NAT10: variants seen among roughly 807,000 people sequenced by gnomAD.
The protein encoded by NAT10 is N-acetyltransferase 10, also known as RNA cytidine acetyltransferase.
NAT10 carries 109 observed loss-of-function variants against 132.2 expected under a neutral mutation model. The ratio of observed to expected loss-of-function variants is 0.82; its 90% confidence interval spans 0.71 to 0.97. NAT10 has a LOEUF of 0.97. Among genes scored for constraint, NAT10 ranks in the 50% least tolerant of loss-of-function variants. The probability of loss-of-function intolerance (pLI) is 0.00; values close to 1 mark genes in which losing one functional copy is unlikely to be tolerated. For synonymous variants in NAT10, 479 were observed against 478.0 expected, an observed-to-expected ratio of 1.00 and a Z score of -0.03; for missense variants, 1,184 against 1,263.4, an observed-to-expected ratio of 0.94 and a Z score of 0.95.
rs777397042 is a variant in NAT10, at chr11:34,108,248, A to G, written c.23A>G (p.Asn8Ser). The change falls in exon 2 of 29, where the codon AAC becomes AGC. Residue 8 changes from asparagine to serine, a missense_variant. Asn to Ser is a conservative substitution (Grantham distance 46, BLOSUM62 1). Coordinates refer to ENST00000257829, the MANE Select transcript of NAT10 (RefSeq NM_024662.3). ...ACCATGCATCGGAAAAAGGTGGATA[A>G]CCGAATCCGGATTCTCATTGAGAAT... Reference protein sequence around the residue: MHRKKVDNRIRILIENGV... With the variant: MHRKKVDSRIRILIENGV... 1 of 1,614,152 alleles carries G rather than the reference A, an allele frequency of 6.2e-7. No homozygotes were observed. Among genetic ancestry groups the G allele is most frequent in the South Asian group, 1.1e-5 (1 of 91,070 alleles).
At position 34,119,079 on chromosome 11, in the gene NAT10, G is replaced by A. The variant is rs537907886; in HGVS notation, c.780+576G>A. ...TAGTCTGGTATTTACCCTGGTTCCA[G>A]TGCGAGGCCTGATGAGGGCCCTCTG... On this transcript the variant is annotated intron_variant, in intron 8 of 28. Coordinates refer to ENST00000257829, the MANE Select transcript of NAT10 (RefSeq NM_024662.3). Among the ~76,000 whole-genome samples the A allele has an allele frequency of 1.2e-3, 184 of 152,386 alleles. 1 individual carries two copies. The highest frequency in any genetic ancestry group is 4.3e-3 in the African/African-American group (177 of 41,598).
chr11:34,131,963 T>G (rs899189596), intron 14 of NAT10, among the ~76,000 whole-genome samples, 162 bp from the exon 15 acceptor site: 2 of 152,128 alleles, frequency 1.3e-5, no homozygotes, highest in Non-Finnish European at 2.9e-5. Context: ...GGATTACCGG[T>G]GTGAGCCAAC....
At chr11:34,112,309 C>A in intron 4 of NAT10, 86 bp downstream of exon 4, 1 of 1,501,044 alleles carries the variant, frequency 6.7e-7, no homozygotes, top group Non-Finnish European at 9.2e-7. Flanking sequence ...AACAGATGTA[C>A]AGTAAGGAGA....
rs571443653 is a variant in NAT10 at position 34,142,200 on chromosome 11, C to T, written c.2812-75C>T. The T allele has an allele frequency of 7.8e-5, 109 of 1,397,826 alleles. No homozygotes were observed. The African/African-American group carries it at 1.4e-3, about 18-fold the overall frequency. The allele number at this position is 1,397,826 out of a possible 1,614,324, so 86.6% of individuals were successfully genotyped here. ...TTTTCTCATCATTGTGCCATTCCACCCCAGCTTCACCTTTTCCTGTGTTTG... is the reference window on the plus strand; with the variant it reads ...TTTTCTCATCATTGTGCCATTCCACTCCAGCTTCACCTTTTCCTGTGTTTG... On this transcript the variant is annotated intron_variant, in intron 26 of 28. Transcript: ENST00000257829.
intron 11 of NAT10, 102 bp from the exon 12 acceptor site, chr11:34,127,361 G>A: frequency 7.9e-7 from 1 of 1,268,650 alleles, no homozygotes; most frequent in South Asian, 1.5e-5. Flanking sequence ...GAAGGAAACA[G>A]GGAGAGAGAG....
At chr11:34,140,934 C>A (rs940194273) in intron 24 of NAT10, among the ~76,000 whole-genome samples, 155 bp from the exon 25 acceptor site, 5 of 151,822 alleles carry the variant, frequency 3.3e-5, no homozygotes, top group Non-Finnish European at 7.4e-5. Context: ...TTGGTGGTCT[C>A]AGTAACAGGA....
At chr11:34,137,740 C>T (rs183609897) in intron 21 of NAT10, among the ~76,000 whole-genome samples, 16 of 152,250 alleles carry the variant, frequency 1.1e-4, no homozygotes, top group African/African-American at 3.1e-4. Flanking sequence ...TGGACCCTAA[C>T]GTTTAGAGGA....
intron 5 of NAT10, among the ~76,000 whole-genome samples, chr11:34,115,099 T>C (rs1851761523): frequency 1.3e-5 from 2 of 152,176 alleles, no homozygotes; most frequent in Admixed American, 1.3e-4. Flanking sequence ...GAGGTTGCGG[T>C]GAGCTGAGGT....
intron 21 of NAT10, among the ~76,000 whole-genome samples, chr11:34,137,971 A>AG (rs1414405422): frequency 2.6e-5 from 4 of 152,182 alleles, no homozygotes; most frequent in African/African-American, 9.7e-5. Flanking sequence ...GCCTGGCCAG[A>AG]GGGAAGAGGA....
In NAT10 at chr11:34,134,335, A is replaced by G; in HGVS notation, c.1751A>G (p.Glu584Gly). 5 of 1,614,130 alleles carry G rather than the reference A, an allele frequency of 3.1e-6. No individual in the cohort carries two copies. Among genetic ancestry groups the G allele is most frequent in the Non-Finnish European group, 4.2e-6 (5 of 1,180,016 alleles). Residue 584 changes from glutamate to glycine, a missense_variant, in exon 17 of 29, where the codon GAG becomes GGG. Transcript: ENST00000257829. ...CCCCCACAGGTGTGCCTTGAAGGGG[A>G]GATTTCTCGCCAGTCCATCTTGAAC... Reference protein sequence around the residue: ...LAVIQVCLEGEISRQSILNSL... With the variant: ...LAVIQVCLEGGISRQSILNSL...
At chr11:34,120,062 C>G (rs1289789281) in intron 8 of NAT10, among the ~76,000 whole-genome samples, 1 of 149,992 alleles carries the variant, frequency 6.7e-6, no homozygotes, top group Non-Finnish European at 1.5e-5. Flanking sequence ...TGTGTTGCTG[C>G]TTTAATTAGG....
At chr11:34,114,458 G>C (rs1851750377) in intron 5 of NAT10, among the ~76,000 whole-genome samples, 1 of 152,160 alleles carries the variant, frequency 6.6e-6, no homozygotes, top group African/African-American at 2.4e-5. Context: ...GGTCGGATTG[G>C]ACTTAGGGTT....
Position 34,135,296 on chromosome 11 carries a change from GCAT to G in NAT10, c.2028+7_2028+9del. The G allele has an allele frequency of 3.7e-6, 6 of 1,612,324 alleles. No homozygotes were observed. Among genetic ancestry groups the G allele is most frequent in the Non-Finnish European group, 5.1e-6 (6 of 1,178,382 alleles). On this transcript the variant is annotated splice_donor_region_variant and intron_variant, in intron 19 of 28. Coordinates refer to ENST00000257829, the MANE Select transcript of NAT10 (RefSeq NM_024662.3). ...ATTCACACCGTAAGCAGCGAGGTAA[GCAT>G]CTTTCGACAGACCTCCTGTGTCCTG... is the stretch of plus-strand genomic sequence containing the variant.
At chr11:34,142,829 T>G (rs1852364258) in intron 27 of NAT10, among the ~76,000 whole-genome samples, 1 of 152,210 alleles carries the variant, frequency 6.6e-6, no homozygotes, top group African/African-American at 2.4e-5. Flanking sequence ...TGGATTGATG[T>G]GAATAATAAC....
chr11:34,146,868 G>C lies in NAT10; in HGVS notation c.*676G>C, dbSNP rs1174565695. 1 of 152,248 alleles carries C rather than the reference G, an allele frequency of 6.6e-6. No individual in the cohort carries two copies. The highest frequency in any genetic ancestry group is 1.9e-4 in the East Asian group (1 of 5,206). 9.4% of individuals were successfully genotyped at this position (152,248 alleles called of 1,614,324 possible). A position where few individuals can be genotyped will look rare whatever the true frequency, so the allele number is the denominator to read the frequency against. On this transcript the variant is annotated 3_prime_UTR_variant, in exon 29 of 29. Coordinates refer to ENST00000257829, the MANE Select transcript of NAT10 (RefSeq NM_024662.3). Reference sequence around the variant, plus strand: ...ACTTTGCTCGCAGGGGTGAGGGGAAGGATAGAGAATCTATTTTTAATAAAT... The same window carrying C: ...ACTTTGCTCGCAGGGGTGAGGGGAACGATAGAGAATCTATTTTTAATAAAT...
intron 23 of NAT10, among the ~76,000 whole-genome samples, chr11:34,140,011 C>T (rs1011586132): frequency 2.0e-5 from 3 of 152,010 alleles, no homozygotes; most frequent in African/African-American, 7.3e-5. Context: ...TACTTTTTTG[C>T]CAATTATATT....
In NAT10 at chr11:34,108,652, A is replaced by G. The variant is rs558206422; in HGVS notation, c.109-90A>G. Reference sequence around the variant, plus strand: ...ACTTCCCTTCCCTGGCCCTCAGTTTAGTTTCCACATCCGTCAAATGAGGTC... The same window carrying G: ...ACTTCCCTTCCCTGGCCCTCAGTTTGGTTTCCACATCCGTCAAATGAGGTC... On this transcript the variant is annotated intron_variant, in intron 2 of 28. Coordinates refer to ENST00000257829, the MANE Select transcript of NAT10 (RefSeq NM_024662.3). The G allele has an allele frequency of 8.1e-5, 100 of 1,229,056 alleles. No homozygotes were observed. The East Asian group carries it at 1.9e-3, about 23-fold the overall frequency. 76.1% of individuals were successfully genotyped at this position (1,229,056 alleles called of 1,614,324 possible).
chr11:34,131,995 T>C, intron 14 of NAT10, 130 bp from the exon 15 acceptor site: 1 of 731,618 alleles, frequency 1.4e-6, no homozygotes, highest in East Asian at 2.5e-5. Context: ...TCTTCTTCCT[T>C]CTTTTATGTG....
At position 34,123,760 on chromosome 11, in the gene NAT10, A is replaced by C; in HGVS notation, c.915-2A>C. On this transcript the variant is annotated splice_acceptor_variant, in intron 9 of 28. Coordinates refer to ENST00000257829, the MANE Select transcript of NAT10 (RefSeq NM_024662.3). LOFTEE classifies it high-confidence loss of function. ...AAATCCTTCTTTTATTTTGTTCTGTAGGTACTCCAATATCTTTGTTACCTC... is the reference window on the plus strand; with the variant it reads ...AAATCCTTCTTTTATTTTGTTCTGTCGGTACTCCAATATCTTTGTTACCTC... The C allele has an allele frequency of 6.4e-7, 1 of 1,568,014 alleles. No individual in the cohort carries two copies. Among genetic ancestry groups the C allele is most frequent in the Non-Finnish European group, 8.8e-7 (1 of 1,138,450 alleles).
Sources: allele counts gnomAD v4.1 joint callset (sites outside exome capture counted in the v4.1 genomes callset), GRCh38; gene constraint gnomAD v4.1.1; transcripts MANE v1.5; gene names NCBI Gene and HGNC (gene_info 2026-07-23, HGNC 2026-07-21).